GRM5: variants seen among roughly 807,000 people sequenced by gnomAD.
GRM5 encodes the protein metabotropic glutamate receptor 5.
GRM5 carries 19 observed loss-of-function variants against 83.1 expected under a neutral mutation model. That is an observed-to-expected ratio of 0.23 (90% CI 0.16 to 0.34). GRM5 has a LOEUF of 0.34. Ranked by LOEUF, GRM5 falls within the 10% of genes least tolerant of loss-of-function variation. The pLI, the probability that GRM5 is intolerant of heterozygous loss-of-function variation, is 1.00. For missense variants in GRM5, 1,160 were observed against 1,588.3 expected (o/e 0.73, Z 4.58); for synonymous variants, 675 against 633.6 (o/e 1.07, Z -0.98).
intron 3 of GRM5, among the ~76,000 whole-genome samples, chr11:88,698,366 C>T (rs769810978): frequency 1.3e-5 from 2 of 152,156 alleles, no homozygotes; most frequent in Admixed American, 6.5e-5. Context: ...TGTATTGTTT[C>T]CTCTGCCTGA....
chr11:88,803,565 C>T (rs1943441208), intron 3 of GRM5, among the ~76,000 whole-genome samples: 1 of 152,278 alleles, frequency 6.6e-6, no homozygotes, highest in African/African-American at 2.4e-5. Context: ...AAACGTTGGA[C>T]CTAAAACCAT....
At position 89,004,200 on chromosome 11, in the gene GRM5, G is replaced by A. The variant is rs538727589; in HGVS notation, c.661+43012C>T. Among the ~76,000 whole-genome samples, 3 of 152,280 alleles carry A rather than the reference G, an allele frequency of 2.0e-5. No homozygotes were observed. The East Asian group carries it at 5.8e-4, about 29-fold the overall frequency. ...AATACTTAACAACTTTCTCTTAAATGCAAGAGGCTGGACCAAATGATCTAT... is the reference window on the plus strand; with the variant it reads ...AATACTTAACAACTTTCTCTTAAATACAAGAGGCTGGACCAAATGATCTAT... On this transcript the variant is annotated intron_variant, in intron 2 of 9. Transcript: ENST00000305447.
In GRM5 at chr11:88,544,082, C is replaced by CACACAT. The variant is rs1236812975; in HGVS notation, c.2631-18684_2631-18679dup. 8.5e-3 allele frequency among the ~76,000 whole-genome samples: 1,292 copies of CACACAT among 152,224 alleles called. 19 individuals carry two copies. The highest frequency in any genetic ancestry group is 0.028 in the African/African-American group (1,165 of 41,512). ...TCTCACTCTCTCTCTCTCTCACACA[C>CACACAT]ACACATACACATACACATACACATG... On this transcript the variant is annotated intron_variant, in intron 8 of 9. Coordinates refer to ENST00000305447, the MANE Select transcript of GRM5 (RefSeq NM_001143831.3).
At chr11:88,625,396 T>C (rs1457479636) in intron 4 of GRM5, among the ~76,000 whole-genome samples, 2 of 152,172 alleles carry the variant, frequency 1.3e-5, no homozygotes, top group African/African-American at 4.8e-5. Context: ...GCCCAGTAAG[T>C]ATCCTGGAAT....
At chr11:89,056,826 T>G (rs1591083915) in intron 1 of GRM5, among the ~76,000 whole-genome samples, 1 of 152,320 alleles carries the variant, frequency 6.6e-6, no homozygotes, top group African/African-American at 2.4e-5. Context: ...TTCAGAAGTA[T>G]GCTTTACTCA....
At chr11:88,862,980 A>T (rs993181159) in intron 2 of GRM5, among the ~76,000 whole-genome samples, 1 of 152,216 alleles carries the variant, frequency 6.6e-6, no homozygotes, top group Non-Finnish European at 1.5e-5. Flanking sequence ...TCAAAAGAAG[A>T]TATTTATGCA....
chr11:88,753,422 T>TCAGTAA (rs1942326534), intron 3 of GRM5, among the ~76,000 whole-genome samples: 1 of 152,188 alleles, frequency 6.6e-6, no homozygotes, highest in Admixed American at 6.5e-5. Flanking sequence ...CCAGTCAGTA[T>TCAGTAA]GGTGATTATT....
In GRM5 at chr11:89,047,522, G is replaced by A. The variant is rs761384660; in HGVS notation, c.351C>T (p.Leu117=). The A allele has an allele frequency of 1.2e-6, 2 of 1,614,124 alleles. No individual in the cohort carries two copies. The highest frequency in any genetic ancestry group is 1.1e-5 in the South Asian group (1 of 91,076). The change falls in exon 2 of 10, where the codon CTC becomes CTT. Residue 117 remains leucine (L), a synonymous_variant. Coordinates refer to ENST00000305447, the MANE Select transcript of GRM5 (RefSeq NM_001143831.3). This position sits in a 1 kb window ranked among gnomAD's most constrained non-coding sequence, Gnocchi z 5.1. ...AGCCTTCTTCCTCTTCTGAAGAAAT[G>A]AGGGAATCTCTTATGAACTCAATGC... The part of the protein sequence containing the change: ...EQSIEFIRDS[L]ISSEEEEGLV...
intron 3 of GRM5, among the ~76,000 whole-genome samples, chr11:88,801,020 G>A (rs1261307944): frequency 2.6e-5 from 4 of 152,068 alleles, no homozygotes; most frequent in African/African-American, 7.2e-5. Flanking sequence ...AATGCTATAT[G>A]CTTCAGGTAT....
chr11:88,891,708 T>TA (rs1378827682), intron 2 of GRM5, among the ~76,000 whole-genome samples: 1 of 151,748 alleles, frequency 6.6e-6, no homozygotes, highest in Non-Finnish European at 1.5e-5. Context: ...TTTTGTCACT[T>TA]ACAGACAATT....
At chr11:88,813,207 C>T (rs1389676422) in intron 3 of GRM5, among the ~76,000 whole-genome samples, 2 of 152,238 alleles carry the variant, frequency 1.3e-5, no homozygotes, top group East Asian at 1.9e-4. Flanking sequence ...CTTTTAAATA[C>T]CGTCTTTTAG....
At chr11:89,020,541 C>A (rs1393559522) in intron 2 of GRM5, among the ~76,000 whole-genome samples, 2 of 152,170 alleles carry the variant, frequency 1.3e-5, no homozygotes, top group East Asian at 3.9e-4. Context: ...GGAGTAAAAA[C>A]AAGCCAAATT....
chr11:89,003,694 GGA>G (rs1351946656), intron 2 of GRM5, among the ~76,000 whole-genome samples: 1 of 151,926 alleles, frequency 6.6e-6, no homozygotes, highest in Non-Finnish European at 1.5e-5. Flanking sequence ...TTATTATTTT[GGA>G]GAGTGGGAGA....
chr11:89,058,666 G>A (rs1269470950), intron 1 of GRM5, among the ~76,000 whole-genome samples: 3 of 152,230 alleles, frequency 2.0e-5, no homozygotes, highest in South Asian at 4.2e-4. Context: ...TGTTGAAAAG[G>A]TAGAAATTTC....
intron 2 of GRM5, among the ~76,000 whole-genome samples, chr11:88,915,420 T>C (rs507187): frequency 0.44 from 66,261 of 151,750 alleles, 14,857 homozygotes; most frequent in East Asian, 0.57. Context: ...AATAAATTAG[T>C]GGAGAGCTGA....
At position 88,665,016 on chromosome 11, in the gene GRM5, G is replaced by A. The variant is rs1434964543; in HGVS notation, c.912-11613C>T. Among the ~76,000 whole-genome samples the A allele has an allele frequency of 4.6e-5, 7 of 152,058 alleles. No homozygotes were observed. The South Asian group carries it at 6.2e-4, about 14-fold the overall frequency. On this transcript the variant is annotated intron_variant, in intron 3 of 9. Coordinates refer to ENST00000305447, the MANE Select transcript of GRM5 (RefSeq NM_001143831.3). ...GCTTGCAAAGCAAGCAAATTGCCCAGGGTTGCACAATATTTAAACCCACTC... is the reference window on the plus strand; with the variant it reads ...GCTTGCAAAGCAAGCAAATTGCCCAAGGTTGCACAATATTTAAACCCACTC...
At chr11:88,646,906 A>C (rs1939472597) in intron 4 of GRM5, among the ~76,000 whole-genome samples, 1 of 151,192 alleles carries the variant, frequency 6.6e-6, no homozygotes, top group African/African-American at 2.4e-5. Flanking sequence ...CAAAAAAAAA[A>C]CACCACAAAT....
At chr11:88,878,358 A>G (rs1944894535) in intron 2 of GRM5, among the ~76,000 whole-genome samples, 1 of 152,124 alleles carries the variant, frequency 6.6e-6, no homozygotes, top group Admixed American at 6.6e-5. Flanking sequence ...GGAAACAGAG[A>G]AAAATTCATT....
intron 2 of GRM5, among the ~76,000 whole-genome samples, chr11:89,026,436 T>C (rs993453602): frequency 6.6e-6 from 1 of 152,206 alleles, no homozygotes; most frequent in Non-Finnish European, 1.5e-5. Context: ...TATACTTCTT[T>C]AGCATCTGCA....
Sources: gnomAD v4.1 joint callset for allele counts (sites outside exome capture counted in the v4.1 genomes callset) on GRCh38, gnomAD v4.1.1 for gene constraint, Gnocchi (gnomAD v3.1) non-coding constraint, MANE v1.5 for transcripts, NCBI Gene and HGNC (gene_info 2026-07-23, HGNC 2026-07-21) for gene names.